Variants in GPC3 observed in about 807,000 individuals in gnomAD.
The protein encoded by GPC3 is glypican 3, also known as glypican-3.
Under a neutral mutation model 34.4 loss-of-function variants are expected in GPC3, and 3 were observed. The ratio of observed to expected loss-of-function variants is 0.09; its 90% CI spans 0.04 to 0.23. The LOEUF (loss-of-function observed/expected upper bound fraction) is 0.23, where lower values mean the gene tolerates loss of function less well. Among genes scored for constraint, GPC3 ranks in the 10% least tolerant of loss-of-function variants. GPC3 has a pLI of 1.00. For synonymous variants in GPC3, 177 were observed against 174.0 expected, an observed-to-expected ratio of 1.02 and a Z score of -0.13; for missense variants, 351 against 445.6, an observed-to-expected ratio of 0.79 and a Z score of 1.91.
chrX:133,847,907 A>G lies in GPC3; in HGVS notation c.338-93731T>C, dbSNP rs138911485. 5.3e-5 allele frequency among the ~76,000 whole-genome samples: 6 copies of G among 112,378 alleles called. No homozygotes were observed. In the South Asian group the frequency reaches 2.2e-3, roughly 42 times the overall value. ...ATTTGTATTAAAAATACTATTTAGA[A>G]GAGACAAAAGAACAGCTATTTGCAG... On this transcript the variant is annotated intron_variant, in intron 2 of 7. Coordinates refer to ENST00000370818, the MANE Select transcript of GPC3 (RefSeq NM_004484.4).
At chrX:133,869,908 T>TG (rs1193935559) in intron 2 of GPC3, among the ~76,000 whole-genome samples, 39 of 112,283 alleles carry the variant, frequency 3.5e-4, no homozygotes, top group Non-Finnish European at 6.2e-4. Context: ...TGAGCCGAGA[T>TG]CACGCCTCTG....
At chrX:133,617,274 C>T (rs904943196) in intron 6 of GPC3, among the ~76,000 whole-genome samples, 1 of 111,478 alleles carries the variant, frequency 9.0e-6, no homozygotes, top group African/African-American at 3.3e-5. Flanking sequence ...GTCTCATTTC[C>T]TTCTAAACAT....
chrX:133,619,400 T>G (rs2070204704), intron 6 of GPC3, among the ~76,000 whole-genome samples: 1 of 112,265 alleles, frequency 8.9e-6, no homozygotes, highest in South Asian at 3.7e-4. Context: ...TGTGGTATCA[T>G]TATTCACAAT....
At chrX:133,544,061 T>G (rs1406419228) in intron 7 of GPC3, among the ~76,000 whole-genome samples, 1 of 111,661 alleles carries the variant, frequency 9.0e-6, no homozygotes, top group African/African-American at 3.3e-5. Context: ...TGAAACCTTG[T>G]TTCTACAAAA....
At chrX:133,751,230 T>G (rs2071665428) in intron 3 of GPC3, among the ~76,000 whole-genome samples, 1 of 111,691 alleles carries the variant, frequency 9.0e-6, no homozygotes, top group Non-Finnish European at 1.9e-5. Flanking sequence ...TTTAATGTTG[T>G]CTCTTTATTT....
chrX:133,593,037 T>G (rs1285350139), intron 7 of GPC3, among the ~76,000 whole-genome samples: 3 of 111,156 alleles, frequency 2.7e-5, no homozygotes, highest in African/African-American at 9.8e-5. Flanking sequence ...AGAAATAAAA[T>G]GGGCAGGCCG....
At chrX:133,874,832 A>G (rs2076008631) in intron 2 of GPC3, among the ~76,000 whole-genome samples, 1 of 112,435 alleles carries the variant, frequency 8.9e-6, no homozygotes, top group Non-Finnish European at 1.9e-5. Flanking sequence ...GCAATTGCCT[A>G]TACTTCTGGT....
chrX:133,897,371 T>A (rs2124596257), intron 2 of GPC3, among the ~76,000 whole-genome samples: 1 of 109,499 alleles, frequency 9.1e-6, no homozygotes, highest in South Asian at 4.1e-4. Flanking sequence ...CTTTTAATGA[T>A]TTTAACAATG....
At chrX:133,536,440 A>G in intron 7 of GPC3, 147 bp from the exon 8 acceptor site, 1 of 175,166 alleles carries the variant, frequency 5.7e-6, no homozygotes, top group South Asian at 8.6e-5. Context: ...CCACTGTGAG[A>G]TGGGAAAAAG....
intron 3 of GPC3, among the ~76,000 whole-genome samples, chrX:133,713,572 A>G (rs1337059947): frequency 2.7e-5 from 3 of 112,260 alleles, no homozygotes; most frequent in Non-Finnish European, 5.6e-5. Flanking sequence ...GAAAAGCACA[A>G]GTGTGATTGA....
intron 7 of GPC3, among the ~76,000 whole-genome samples, chrX:133,557,176 C>T (rs1330203351): frequency 9.1e-6 from 1 of 110,037 alleles, no homozygotes; most frequent in Non-Finnish European, 1.9e-5. Flanking sequence ...CGCCTGTAGT[C>T]CCAGCTACTG....
intron 3 of GPC3, among the ~76,000 whole-genome samples, chrX:133,734,423 C>T (rs2071489865): frequency 9.0e-6 from 1 of 111,040 alleles, no homozygotes; most frequent in Non-Finnish European, 1.9e-5. Flanking sequence ...AAAAAAGTCA[C>T]AGCTAATACT....
intron 2 of GPC3, among the ~76,000 whole-genome samples, chrX:133,948,031 T>C (rs1569458124): frequency 9.1e-6 from 1 of 110,001 alleles, no homozygotes; most frequent in East Asian, 2.9e-4. Flanking sequence ...AGAGCTGGAG[T>C]GCGGGCAGAA....
intron 2 of GPC3, among the ~76,000 whole-genome samples, chrX:133,940,597 C>T (rs1021958883): frequency 6.3e-5 from 7 of 111,702 alleles, no homozygotes; most frequent in Admixed American, 1.9e-4. Flanking sequence ...TAAGTAATCC[C>T]GGTAAGTTCA....
chrX:133,863,532 A>G (rs2075948623), intron 2 of GPC3, among the ~76,000 whole-genome samples: 1 of 110,723 alleles, frequency 9.0e-6, no homozygotes, highest in Non-Finnish European at 1.9e-5. Flanking sequence ...AAGGCCACAG[A>G]ACTAATAAAT....
chrX:133,569,922 T>G (rs2069612010), intron 7 of GPC3, among the ~76,000 whole-genome samples: 1 of 109,538 alleles, frequency 9.1e-6, no homozygotes, highest in Admixed American at 9.7e-5. Flanking sequence ...GATGGAGTCT[T>G]GCTCTGTCAC....
chrX:133,899,924 T>C (rs2076136558), intron 2 of GPC3, among the ~76,000 whole-genome samples: 1 of 111,257 alleles, frequency 9.0e-6, no homozygotes, highest in South Asian at 3.9e-4. Flanking sequence ...TGCGTCAGCC[T>C]CCTGAGTAGC....
chrX:133,723,463 C>T (rs906187019), intron 3 of GPC3, among the ~76,000 whole-genome samples: 4 of 112,035 alleles, frequency 3.6e-5, no homozygotes, highest in African/African-American at 1.3e-4. Context: ...CTGTGCTCCT[C>T]GCCTGATATG....
intron 5 of GPC3, among the ~76,000 whole-genome samples, chrX:133,675,720 G>A (rs1437107817): frequency 8.9e-6 from 1 of 112,103 alleles, no homozygotes; most frequent in Non-Finnish European, 1.9e-5. Context: ...TGGGCCCTTC[G>A]AGGTAAACCT....
Sources: gnomAD v4.1 joint callset for allele counts (sites outside exome capture counted in the v4.1 genomes callset) on GRCh38, gnomAD v4.1.1 for gene constraint, MANE v1.5 for transcripts, NCBI Gene and HGNC (gene_info 2026-07-23, HGNC 2026-07-21) for gene names.